Variants in LAPTM4B observed in about 807,000 individuals in gnomAD.
LAPTM4B encodes lysosomal protein transmembrane 4 beta.
A neutral mutation model predicts 28.5 loss-of-function variants in LAPTM4B; 26 were observed. That is an observed-to-expected ratio of 0.91 (90% confidence interval 0.67 to 1.27). The LOEUF is 1.27. LAPTM4B is among the 50% of genes most tolerant of loss of function. The pLI is 0.00. For synonymous variants in LAPTM4B, 109 were observed against 106.4 expected (o/e 1.02, Z -0.15); for missense variants, 288 against 285.8 (o/e 1.01, Z -0.06).
intron 4 of LAPTM4B, 114 bp downstream of exon 4, chr8:97,816,294 C>G (rs1816913298): frequency 1.9e-6 from 2 of 1,045,204 alleles, no homozygotes; most frequent in Middle Eastern, 2.2e-4. Context: ...TAGCTTGCAG[C>G]TGAGTTACTC....
intron 6 of LAPTM4B, among the ~76,000 whole-genome samples, chr8:97,837,775 AAAG>A (rs1320346237): frequency 6.9e-6 from 1 of 144,304 alleles, no homozygotes; most frequent in Non-Finnish European, 1.6e-5. Flanking sequence ...AAGGGGAGAG[AAAG>A]AAGATTCTTC....
At chr8:97,832,769 C>T (rs111809937) in intron 6 of LAPTM4B, among the ~76,000 whole-genome samples, 3,385 of 149,522 alleles carry the variant, frequency 0.023, 70 homozygotes, top group Non-Finnish European at 0.033. Context: ...TGCACTGGCG[C>T]GATCTTGGCT....
At chr8:97,820,300 C>CTTTA (rs1563614310) in intron 5 of LAPTM4B, among the ~76,000 whole-genome samples, 1 of 129,750 alleles carries the variant, frequency 7.7e-6, no homozygotes. Flanking sequence ...ATTTTTCTTT[C>CTTTA]TTTCTTTTTT....
intron 1 of LAPTM4B, among the ~76,000 whole-genome samples, chr8:97,778,274 G>C (rs866399905): frequency 2.0e-5 from 3 of 151,390 alleles, no homozygotes; most frequent in Non-Finnish European, 4.4e-5. Flanking sequence ...ATAGTCTTTT[G>C]CATTTCACAA....
chr8:97,785,323 C>T (rs933643823), intron 1 of LAPTM4B, among the ~76,000 whole-genome samples: 4 of 151,974 alleles, frequency 2.6e-5, no homozygotes, highest in Non-Finnish European at 2.9e-5. Context: ...GTGATCCGCC[C>T]GCCTCCCAAA....
chr8:97,801,434 G>A (rs1053908761), intron 1 of LAPTM4B, among the ~76,000 whole-genome samples: 4 of 151,926 alleles, frequency 2.6e-5, no homozygotes, highest in Non-Finnish European at 4.4e-5. Context: ...CATCTGCCTC[G>A]GCCTCCTAAA....
intron 6 of LAPTM4B, among the ~76,000 whole-genome samples, chr8:97,838,486 G>A (rs1189207010): frequency 4.6e-5 from 7 of 152,176 alleles, no homozygotes; most frequent in African/African-American, 9.7e-5. Context: ...AGTCCTTCAC[G>A]TACTAGGTCC....
intron 1 of LAPTM4B, among the ~76,000 whole-genome samples, chr8:97,792,358 G>T (rs1816512790): frequency 6.6e-6 from 1 of 151,808 alleles, no homozygotes; most frequent in Non-Finnish European, 1.5e-5. Context: ...TGGGCTCCAG[G>T]TCCCTGCCAC....
chr8:97,788,300 G>A, intron 1 of LAPTM4B: 2 of 386,468 alleles, frequency 5.2e-6, no homozygotes, highest in South Asian at 2.4e-5. Flanking sequence ...TGGGGAATGG[G>A]ACATTTTTGC....
chr8:97,787,328 C>T (rs1449416116), intron 1 of LAPTM4B, among the ~76,000 whole-genome samples: 41 of 150,778 alleles, frequency 2.7e-4, no homozygotes, highest in African/African-American at 9.7e-4. Flanking sequence ...CTCTGTTGCC[C>T]AGGCTGGAGT....
In LAPTM4B at chr8:97,793,701, T is replaced by C. The variant is rs62521759; in HGVS notation, c.100-11652T>C. 6.0e-3 allele frequency among the ~76,000 whole-genome samples: 919 copies of C among 152,336 alleles called. 6 individuals are homozygous for C. The Middle Eastern group carries it at 0.068, about 11-fold the overall frequency. Reference sequence around the variant, plus strand: ...ATGTCTATCGTTTCCCAAATTGATATACTAGAAGAATGTGAAAATAATAAT... The same window carrying C: ...ATGTCTATCGTTTCCCAAATTGATACACTAGAAGAATGTGAAAATAATAAT... On this transcript the variant is annotated intron_variant, in intron 1 of 6. Transcript: ENST00000521545.
At chr8:97,820,046 C>T (rs1816980342) in intron 5 of LAPTM4B, among the ~76,000 whole-genome samples, 1 of 152,106 alleles carries the variant, frequency 6.6e-6, no homozygotes, top group African/African-American at 2.4e-5. Flanking sequence ...AGATAAATTT[C>T]TTAAAATCAG....
intron 1 of LAPTM4B, among the ~76,000 whole-genome samples, chr8:97,801,168 G>A (rs950672019): frequency 2.1e-5 from 3 of 140,634 alleles, no homozygotes; most frequent in African/African-American, 5.5e-5. Flanking sequence ...GCCCTTGTGT[G>A]GTTCTTCATA....
rs117472920 is a variant in LAPTM4B, at chr8:97,788,129, C to T, written c.99+12021C>T. ...AAACGTCCAACTGTCCAGATGGTGG[C>T]GCCATTTTCAGCTTGCTGTGGGAAG... is the stretch of plus-strand genomic sequence containing the variant. On this transcript the variant is annotated intron_variant, in intron 1 of 6. Coordinates refer to ENST00000521545, the MANE Select transcript of LAPTM4B (RefSeq NM_018407.6). 413 of 157,738 alleles carry T rather than the reference C, an allele frequency of 2.6e-3. 2 individuals carry two copies. The highest frequency in any genetic ancestry group is 4.5e-3 in the Non-Finnish European group (323 of 71,292). The allele number at this position is 157,738 out of a possible 1,614,324, so 9.8% of individuals were successfully genotyped here. A position where few individuals can be genotyped will look rare whatever the true frequency, so the allele number is the denominator to read the frequency against.
At position 97,846,479 on chromosome 8, in the gene LAPTM4B, C is replaced by T. The variant is rs142369321; in HGVS notation, c.604-4918C>T. The stretch of plus-strand genomic sequence containing the variant: ...AGTAGCTGGGATTACAGGCATGCGC[C>T]ACCACGCCCAGCTAACTTTGTATTT... On this transcript the variant is annotated intron_variant, in intron 6 of 6. Coordinates refer to ENST00000521545, the MANE Select transcript of LAPTM4B (RefSeq NM_018407.6). 6.9e-3 allele frequency among the ~76,000 whole-genome samples: 1,049 copies of T among 152,190 alleles called. 9 individuals carry two copies. Among genetic ancestry groups the T allele is most frequent in the Non-Finnish European group, 0.011 (764 of 68,020 alleles).
chr8:97,777,991 C>A (rs1816252982), intron 1 of LAPTM4B, among the ~76,000 whole-genome samples: 1 of 152,154 alleles, frequency 6.6e-6, no homozygotes, highest in Admixed American at 6.6e-5. Flanking sequence ...ACTACGTGAT[C>A]CACAGGAAAG....
intron 1 of LAPTM4B, 145 bp downstream of exon 1, chr8:97,776,253 C>A (rs546008049): frequency 8.4e-6 from 9 of 1,070,944 alleles, no homozygotes; most frequent in Non-Finnish European, 1.1e-5. Context: ...GGTGCCGCGT[C>A]CGCACTTCCC....
At chr8:97,777,125 T>G (rs1265752693) in intron 1 of LAPTM4B, among the ~76,000 whole-genome samples, 1 of 149,872 alleles carries the variant, frequency 6.7e-6, no homozygotes, top group African/African-American at 2.5e-5. Flanking sequence ...ATATATAACT[T>G]TTTTCAGTGA....
At chr8:97,838,418 T>C (rs1817294772) in intron 6 of LAPTM4B, among the ~76,000 whole-genome samples, 1 of 152,258 alleles carries the variant, frequency 6.6e-6, no homozygotes, top group African/African-American at 2.4e-5. Flanking sequence ...CATGTGGCAG[T>C]TGCCGCCCAT....
Sources: allele counts gnomAD v4.1 joint callset (sites outside exome capture counted in the v4.1 genomes callset), GRCh38; gene constraint gnomAD v4.1.1; transcripts MANE v1.5; gene names NCBI Gene and HGNC (gene_info 2026-07-23, HGNC 2026-07-21).